PDE11A: variants seen among roughly 807,000 people sequenced by gnomAD.
PDE11A encodes the protein dual 3',5'-cyclic-AMP and -GMP phosphodiesterase 11A.
In PDE11A, 100 loss-of-function variants were observed where a neutral mutation model predicts 100.5. The observed-to-expected ratio is 1.00, with a 90% CI of 0.85 to 1.18. The LOEUF is 1.18. PDE11A is among the 50% of genes most tolerant of loss of function. The pLI is 0.00. For synonymous variants in PDE11A, 381 were observed against 420.8 expected, an observed-to-expected ratio of 0.91 and a Z score of 1.16; for missense variants, 1,141 against 1,152.6, an observed-to-expected ratio of 0.99 and a Z score of 0.15.
At chr2:177,927,022 C>T (rs936187409) in intron 2 of PDE11A, 5 of 152,188 alleles carry the variant, frequency 3.3e-5, no homozygotes, top group African/African-American at 1.2e-4. Flanking sequence ...TTAAATGTCC[C>T]CAGCAACTCC....
At chr2:178,057,259 A>G (rs1257551358) in intron 1 of PDE11A, among the ~76,000 whole-genome samples, 4 of 152,214 alleles carry the variant, frequency 2.6e-5, no homozygotes, top group Admixed American at 1.3e-4. Context: ...AGATAATCCA[A>G]ATAAAAATAT....
intron 2 of PDE11A, among the ~76,000 whole-genome samples, chr2:177,943,190 C>A (rs1321615276): frequency 6.6e-6 from 1 of 152,142 alleles, no homozygotes; most frequent in Non-Finnish European, 1.5e-5. Context: ...CATGGGTGTA[C>A]AAATATCTCT....
In PDE11A at chr2:177,883,789, T is replaced by C. The variant is rs557120679; in HGVS notation, c.1303-7866A>G. On this transcript the variant is annotated intron_variant, in intron 4 of 19. Transcript: ENST00000286063. ...GGCACTAGCAACTTTGGAAAGCAGT[T>C]AATACTCCTAGGTCTGAGGTTACAC... 8.2e-4 allele frequency among the ~76,000 whole-genome samples: 125 copies of C among 152,150 alleles called. 2 individuals carry two copies. The highest frequency in any genetic ancestry group is 7.2e-4 in the Non-Finnish European group (49 of 68,004).
Position 178,006,050 on chromosome 2 carries a change from C to T in PDE11A, c.1071+8252G>A, listed in dbSNP as rs1234891549. ...AGGGGCCTGTAAATCTACATGCATA[C>T]CAAGCATTATCTGCATTTGGAATTT... On this transcript the variant is annotated intron_variant, in intron 2 of 19. Transcript: ENST00000286063. Among the ~76,000 whole-genome samples, 3 of 152,238 alleles carry T rather than the reference C, an allele frequency of 2.0e-5. No homozygotes were observed. In the East Asian group the frequency reaches 5.8e-4, roughly 29 times the overall value.
Position 177,821,456 on chromosome 2 carries a change from A to G in PDE11A, c.1501-1161T>C, listed in dbSNP as rs560061282. Among the ~76,000 whole-genome samples the G allele has an allele frequency of 1.5e-4, 23 of 151,966 alleles. 1 individual carries two copies. The highest frequency in any genetic ancestry group is 4.3e-4 in the African/African-American group (18 of 41,540). On this transcript the variant is annotated intron_variant, in intron 6 of 19. Transcript: ENST00000286063. ...AACCCCTAAATTCTTGTACATACTT[A>G]GTGCATATATGCATTTCTGATAGGC...
At chr2:177,724,791 A>G (rs990680505) in intron 12 of PDE11A, among the ~76,000 whole-genome samples, 7 of 150,156 alleles carry the variant, frequency 4.7e-5, no homozygotes, top group Middle Eastern at 3.4e-3. Context: ...AGCACTTTCA[A>G]GGAAGGTGGG....
rs117046456 is a variant in PDE11A at position 177,757,750 on chromosome 2, T to C, written c.1788+11573A>G. On this transcript the variant is annotated intron_variant, in intron 10 of 19. Coordinates refer to ENST00000286063, the MANE Select transcript of PDE11A (RefSeq NM_016953.4). ...TCTGGGAAGGCTTTCAGAGCCAGTA[T>C]GAGGCCAGATGCTGGGGCCCCCAGC... is the stretch of plus-strand genomic sequence containing the variant. Among the ~76,000 whole-genome samples the C allele has an allele frequency of 3.2e-3, 486 of 152,176 alleles. 5 individuals are homozygous for C. The East Asian group carries it at 0.046, about 15-fold the overall frequency.
intron 2 of PDE11A, among the ~76,000 whole-genome samples, chr2:177,972,911 G>T (rs377610087): frequency 1.3e-5 from 2 of 152,222 alleles, no homozygotes; most frequent in African/African-American, 4.8e-5. Flanking sequence ...GAGAAGGGAA[G>T]TTGTGCCTAT....
intron 10 of PDE11A, among the ~76,000 whole-genome samples, chr2:177,755,004 T>C (rs575446567): frequency 3.3e-5 from 5 of 152,202 alleles, no homozygotes; most frequent in Non-Finnish European, 7.3e-5. Context: ...AAGAAATGAC[T>C]AGAAGAAATC....
intron 5 of PDE11A, among the ~76,000 whole-genome samples, chr2:177,862,273 A>G (rs2083957297): frequency 6.6e-6 from 1 of 151,880 alleles, no homozygotes; most frequent in Non-Finnish European, 1.5e-5. Context: ...CCTAAATAAG[A>G]CATACAAATG....
intron 2 of PDE11A, among the ~76,000 whole-genome samples, chr2:178,086,697 T>C (rs186297095): frequency 1.3e-5 from 2 of 152,316 alleles, no homozygotes; most frequent in Admixed American, 1.3e-4. Context: ...TTGCAGTTTT[T>C]ATAGAAGGAC....
At chr2:177,734,644 G>T (rs576269444) in intron 10 of PDE11A, among the ~76,000 whole-genome samples, 1 of 152,268 alleles carries the variant, frequency 6.6e-6, no homozygotes, top group South Asian at 2.1e-4. Context: ...TTACTTGGCT[G>T]AGTGGCAGTG....
intron 1 of PDE11A, among the ~76,000 whole-genome samples, chr2:178,034,008 C>T (rs1414234338): frequency 6.6e-6 from 1 of 152,166 alleles, no homozygotes; most frequent in Non-Finnish European, 1.5e-5. Flanking sequence ...AAATAACCAG[C>T]TAACATCATG....
intron 2 of PDE11A, among the ~76,000 whole-genome samples, chr2:177,938,322 T>C (rs952918249): frequency 6.6e-6 from 1 of 152,132 alleles, no homozygotes. Context: ...GGTTAGGTGA[T>C]TCAGATTCCA....
chr2:178,063,031 A>G (rs1479134565), intron 1 of PDE11A, among the ~76,000 whole-genome samples: 1 of 152,220 alleles, frequency 6.6e-6, no homozygotes, highest in Non-Finnish European at 1.5e-5. Context: ...TGAGCCAAAT[A>G]CCATCATTTT....
At chr2:177,747,798 G>A (rs897793243) in intron 10 of PDE11A, among the ~76,000 whole-genome samples, 2 of 152,222 alleles carry the variant, frequency 1.3e-5, no homozygotes, top group Middle Eastern at 3.4e-3. Flanking sequence ...CAGCTCACTA[G>A]GAACAAACAA....
chr2:177,759,821 A>T (rs2082144608), intron 10 of PDE11A, among the ~76,000 whole-genome samples: 1 of 152,248 alleles, frequency 6.6e-6, no homozygotes, highest in Admixed American at 6.5e-5. Flanking sequence ...TTCTAATAAA[A>T]CAACATTACG....
intron 9 of PDE11A, among the ~76,000 whole-genome samples, chr2:177,812,414 G>A (rs1353101696): frequency 6.6e-6 from 1 of 152,038 alleles, no homozygotes; most frequent in Non-Finnish European, 1.5e-5. Flanking sequence ...TCCTTCTGCA[G>A]GGGACACTGA....
chr2:177,845,767 G>C (rs371993999), intron 5 of PDE11A, among the ~76,000 whole-genome samples: 4 of 152,220 alleles, frequency 2.6e-5, no homozygotes, highest in South Asian at 4.1e-4. Flanking sequence ...ACGAGACTCC[G>C]TCTGCAATCC....
Sources: gnomAD v4.1 joint callset for allele counts (sites outside exome capture counted in the v4.1 genomes callset) on GRCh38, gnomAD v4.1.1 for gene constraint, MANE v1.5 for transcripts, NCBI Gene and HGNC (gene_info 2026-07-23, HGNC 2026-07-21) for gene names.